The following HTATSF1 variants were observed in gnomAD, a reference collection of about 807,000 sequenced individuals.
The protein encoded by HTATSF1 is HIV-1 Tat specific factor 1.
A neutral mutation model predicts 46.1 loss-of-function variants in HTATSF1; 6 were observed. The observed-to-expected ratio is 0.13, with a 90% CI of 0.07 to 0.26. The LOEUF is 0.26. Among genes scored for constraint, HTATSF1 ranks in the 10% least tolerant of loss-of-function variants. The pLI, the probability that HTATSF1 is intolerant of heterozygous loss-of-function variation, is 1.00. For missense variants in HTATSF1, 452 were observed against 559.9 expected, an observed-to-expected ratio of 0.81 and a Z score of 1.94; for synonymous variants, 226 against 211.5, an observed-to-expected ratio of 1.07 and a Z score of -0.60.
intron 4 of HTATSF1, among the ~76,000 whole-genome samples, chrX:136,501,974 C>A (rs2075720336): frequency 9.0e-6 from 1 of 111,439 alleles, no homozygotes; most frequent in Non-Finnish European, 1.9e-5. Flanking sequence ...CATAGAAGTA[C>A]AAGATTGTCA....
chrX:136,507,884 CA>C (rs1317247713), intron 6 of HTATSF1, among the ~76,000 whole-genome samples: 1 of 110,354 alleles, frequency 9.1e-6, no homozygotes, highest in Non-Finnish European at 1.9e-5. Flanking sequence ...GCTAACCCCA[CA>C]CACACACACA....
chrX:136,502,801 A>G lies in HTATSF1; in HGVS notation c.594A>G (p.Leu198=). 8.6e-7 allele frequency: 1 copy of G among 1,159,426 alleles called. No homozygotes were observed. The highest frequency in any genetic ancestry group is 1.2e-6 in the Non-Finnish European group (1 of 866,574). Residue 198 remains leucine (L), a synonymous_variant, in exon 5 of 9, where the codon TTA becomes TTG. Transcript: ENST00000218364. ...AGAGAGAATCTGTGGAACTTGCATTAAAACTTTTGGATGAAGATGAAATTA... is the reference window on the plus strand; with the variant it reads ...AGAGAGAATCTGTGGAACTTGCATTGAAACTTTTGGATGAAGATGAAATTA... The part of the protein sequence containing the change: ...YLKRESVELA[L]KLLDEDEIRG...
chrX:136,507,771 T>A (rs1263718849), intron 6 of HTATSF1, among the ~76,000 whole-genome samples: 3 of 111,526 alleles, frequency 2.7e-5, no homozygotes, highest in Admixed American at 9.5e-5. Flanking sequence ...AAAGATTTTC[T>A]TGAATATTGG....
At chrX:136,500,998 A>C (rs2075715644) in intron 4 of HTATSF1, among the ~76,000 whole-genome samples, 180 bp downstream of exon 4, 1 of 112,591 alleles carries the variant, frequency 8.9e-6, no homozygotes, top group East Asian at 2.7e-4. Flanking sequence ...TTGTTTTAAG[A>C]AAATATGTTA....
intron 5 of HTATSF1, among the ~76,000 whole-genome samples, chrX:136,503,300 G>A (rs1569353832): frequency 9.0e-6 from 1 of 111,717 alleles, no homozygotes; most frequent in Non-Finnish European, 1.9e-5. Context: ...TTTCTATACA[G>A]GTTTGTTATA....
At chrX:136,500,889 T>C in intron 4 of HTATSF1, 71 bp downstream of exon 4, 1 of 761,472 alleles carries the variant, frequency 1.3e-6, no homozygotes, top group South Asian at 4.0e-5. Flanking sequence ...ATAATTTCTA[T>C]AGATGATAAC....
chrX:136,512,060 T>C lies in HTATSF1; in HGVS notation c.*47T>C. The C allele has an allele frequency of 1.8e-6, 2 of 1,140,518 alleles. No individual in the cohort carries two copies. Among genetic ancestry groups the C allele is most frequent in the Non-Finnish European group, 1.2e-6 (1 of 854,053 alleles). 94.0% of individuals were successfully genotyped at this position (1,140,518 alleles called of 1,213,427 possible). On this transcript the variant is annotated 3_prime_UTR_variant, in exon 9 of 9. Transcript: ENST00000218364. ...GGAGAGTCCTCCATCTACATTTGCC[T>C]GTGCTTCAGGGTAATTACTAGTAGT...
At chrX:136,502,039 T>G (rs1311601894) in intron 4 of HTATSF1, among the ~76,000 whole-genome samples, 1 of 111,720 alleles carries the variant, frequency 9.0e-6, no homozygotes, top group Non-Finnish European at 1.9e-5. Context: ...GACCCATATA[T>G]GTGAGCAGCT....
intron 6 of HTATSF1, among the ~76,000 whole-genome samples, chrX:136,506,126 A>G (rs1375303888): frequency 2.7e-5 from 3 of 111,667 alleles, no homozygotes; most frequent in Non-Finnish European, 5.7e-5. Context: ...TTGCTCATTG[A>G]AATACCTTAT....
intron 6 of HTATSF1, among the ~76,000 whole-genome samples, chrX:136,508,817 T>A (rs1325891524): frequency 1.8e-5 from 2 of 112,586 alleles, no homozygotes; most frequent in Non-Finnish European, 3.8e-5. Flanking sequence ...ACTTCCACCA[T>A]CTTCTCCTGC....
rs779749968 is a variant in HTATSF1 at position 136,509,924 on chromosome X, G to A, written c.925-158G>A. On this transcript the variant is annotated intron_variant, in intron 7 of 8. Coordinates refer to ENST00000218364, the MANE Select transcript of HTATSF1 (RefSeq NM_014500.5). ...GAGGTAAAGAAGCAGCTGACTGCAC[G>A]TGACTGGCTGGGATAAAATGGAAGA... is the stretch of plus-strand genomic sequence containing the variant. Among the ~76,000 whole-genome samples, 7 of 112,762 alleles carry A rather than the reference G, an allele frequency of 6.2e-5. No homozygotes were observed. In the South Asian group the frequency reaches 2.2e-3, roughly 36 times the overall value.
At position 136,510,947 on chromosome X, in the gene HTATSF1, A is replaced by G. The variant is rs374395172; in HGVS notation, c.1202A>G (p.His401Arg). 93 of 1,210,027 alleles carry G rather than the reference A, an allele frequency of 7.7e-5. No individual in the cohort carries two copies. Among genetic ancestry groups the G allele is most frequent in the Non-Finnish European group, 9.6e-5 (86 of 895,219 alleles). ...AGGGCAGGGCCTTCTAGAGCAAGGC[A>G]TTTTTCAGAGCACCCCAGCACATCT... Reference protein sequence around the residue: ...SERAGPSRARHFSEHPSTSKM... With the variant: ...SERAGPSRARRFSEHPSTSKM... The change falls in exon 9 of 9, where the codon CAT becomes CGT. Residue 401 changes from histidine (H) to arginine (R), a missense_variant. Around this residue, in one of 3 missense-constraint regions of HTATSF1, gnomAD observed 117 missense variants for 222.2 expected, o/e 0.53. Coordinates refer to ENST00000218364, the MANE Select transcript of HTATSF1 (RefSeq NM_014500.5).
intron 2 of HTATSF1, 80 bp downstream of exon 2, chrX:136,499,858 A>G (rs1273860071): frequency 1.3e-6 from 1 of 741,312 alleles, no homozygotes; most frequent in East Asian, 3.5e-5. Flanking sequence ...TTTTTCGAGA[A>G]TTATAATAGC....
intron 6 of HTATSF1, 98 bp downstream of exon 6, chrX:136,504,561 C>T: frequency 1.8e-6 from 1 of 561,877 alleles, no homozygotes; most frequent in Non-Finnish European, 2.9e-6. Flanking sequence ...CTTGTCACCT[C>T]CTACGTGTTT....
At chrX:136,506,618 G>T (rs1357757938) in intron 6 of HTATSF1, among the ~76,000 whole-genome samples, 1 of 112,520 alleles carries the variant, frequency 8.9e-6, no homozygotes, top group Non-Finnish European at 1.9e-5. Context: ...CAGCATCTTT[G>T]CAAATGAAAG....
chrX:136,500,485 G>A (rs924208182), intron 3 of HTATSF1, among the ~76,000 whole-genome samples, 179 bp from the exon 4 acceptor site: 1 of 112,163 alleles, frequency 8.9e-6, no homozygotes, highest in Non-Finnish European at 1.9e-5. Flanking sequence ...TAATTTTAAT[G>A]TATATTTGAA....
intron 5 of HTATSF1, 39 bp downstream of exon 5, chrX:136,502,980 T>A (rs2075726097): frequency 1.0e-6 from 1 of 952,754 alleles, no homozygotes; most frequent in Admixed American, 3.6e-5. Flanking sequence ...TTCCATATAT[T>A]CTAGAGTATA....
At chrX:136,498,986 G>C (rs193201159) in intron 1 of HTATSF1, among the ~76,000 whole-genome samples, 1 of 112,701 alleles carries the variant, frequency 8.9e-6, no homozygotes, top group Non-Finnish European at 1.9e-5. Context: ...GATATGAGTT[G>C]GATTTGTCTT....
At position 136,510,736 on chromosome X, in the gene HTATSF1, A is replaced by G. The variant is rs1428846588; in HGVS notation, c.1063-72A>G. 7.7e-6 allele frequency: 8 copies of G among 1,044,332 alleles called. No homozygotes were observed. The East Asian group carries it at 1.6e-4, about 20-fold the overall frequency. 86.1% of individuals were successfully genotyped at this position (1,044,332 alleles called of 1,213,427 possible). On this transcript the variant is annotated intron_variant, in intron 8 of 8. Transcript: ENST00000218364. The stretch of plus-strand genomic sequence containing the variant: ...TTATAAAATTAAGGTTGTTTCATCA[A>G]TATTAGATATGTTCAGAGAAGTAAC...
Sources: allele counts gnomAD v4.1 joint callset (sites outside exome capture counted in the v4.1 genomes callset), GRCh38; gene constraint gnomAD v4.1.1; regional missense constraint gnomAD v4.1.1; transcripts MANE v1.5; gene names NCBI Gene and HGNC (gene_info 2026-07-23, HGNC 2026-07-21).